Variants in GRIK4 observed in about 807,000 individuals in gnomAD.
The protein encoded by GRIK4 is glutamate ionotropic receptor kainate type subunit 4.
A neutral mutation model predicts 104.9 loss-of-function variants in GRIK4; 40 were observed. The observed-to-expected ratio is 0.38, with a 90% CI of 0.30 to 0.50. GRIK4 has a LOEUF of 0.50. GRIK4 is among the 20% of genes least tolerant of loss of function. GRIK4 has a pLI of 0.93. For synonymous variants in GRIK4, 485 were observed against 524.9 expected, an observed-to-expected ratio of 0.92 and a Z score of 1.04; for missense variants, 1,047 against 1,308.1, an observed-to-expected ratio of 0.80 and a Z score of 3.08.
chr11:120,850,182 CTT>C (rs1953942489), intron 8 of GRIK4, among the ~76,000 whole-genome samples: 1 of 152,140 alleles, frequency 6.6e-6, no homozygotes, highest in Non-Finnish European at 1.5e-5. Context: ...AGTGAAAACT[CTT>C]TGCTTTTAAA....
chr11:120,871,715 A>G (rs765915167), intron 9 of GRIK4: 6 of 456,262 alleles, frequency 1.3e-5, no homozygotes, highest in East Asian at 7.0e-5. Flanking sequence ...GTTGAGGTCT[A>G]TGGTACCTGC....
At chr11:120,693,187 C>G (rs546136571) in intron 3 of GRIK4, among the ~76,000 whole-genome samples, 2 of 151,868 alleles carry the variant, frequency 1.3e-5, no homozygotes, top group Non-Finnish European at 2.9e-5. Flanking sequence ...TTACTGCAAC[C>G]CCTGCCTTCC....
intron 3 of GRIK4, among the ~76,000 whole-genome samples, chr11:120,698,597 T>C (rs1483843019): frequency 6.6e-6 from 1 of 152,234 alleles, no homozygotes; most frequent in Non-Finnish European, 1.5e-5. Flanking sequence ...TGCCTCACCT[T>C]TGTTCTGTCC....
chr11:120,540,210 T>C (rs533706293), intron 1 of GRIK4, among the ~76,000 whole-genome samples: 18 of 152,180 alleles, frequency 1.2e-4, no homozygotes, highest in African/African-American at 4.1e-4. Flanking sequence ...TGGAGATGCT[T>C]TTAGGGTTTA....
intron 1 of GRIK4, among the ~76,000 whole-genome samples, chr11:120,636,301 G>A (rs113508479): frequency 0.012 from 1,803 of 152,254 alleles, 21 homozygotes; most frequent in Non-Finnish European, 0.019. Flanking sequence ...CCTACCCCAG[G>A]GGAGCATGAG....
chr11:120,841,005 T>C (rs954999608), intron 8 of GRIK4, among the ~76,000 whole-genome samples: 3 of 152,264 alleles, frequency 2.0e-5, no homozygotes, highest in Non-Finnish European at 4.4e-5. Flanking sequence ...CTTTTGTGTC[T>C]AGTTTATTTC....
chr11:120,808,567 T>C (rs1952763752), intron 4 of GRIK4, among the ~76,000 whole-genome samples: 1 of 152,164 alleles, frequency 6.6e-6, no homozygotes. Context: ...GGGCCCGTCA[T>C]GGGGCGTGGC....
chr11:120,831,741 ACCCCCCGACCCC>A, intron 6 of GRIK4, 99 bp from the exon 7 acceptor site: 14 of 734,840 alleles, frequency 1.9e-5, no homozygotes, highest in Admixed American at 4.5e-5. Flanking sequence ...GTGGGGCCAG[ACCCCCCGACCCC>A]ACTTCCAGCC....
chr11:120,882,863 A>G (rs11602018), intron 11 of GRIK4, among the ~76,000 whole-genome samples: 43,689 of 151,910 alleles, frequency 0.29, 9,038 homozygotes, highest in African/African-American at 0.57. Context: ...CTGCCCCAGC[A>G]ATACCAGATG....
In GRIK4 at chr11:120,533,802, A is replaced by G. The variant is rs147822129; in HGVS notation, c.-159+21915A>G. Among the ~76,000 whole-genome samples the G allele has an allele frequency of 4.9e-3, 745 of 152,340 alleles. 12 individuals carry two copies. The highest frequency in any genetic ancestry group is 0.017 in the African/African-American group (691 of 41,574). On this transcript the variant is annotated intron_variant, in intron 1 of 20. Coordinates refer to ENST00000527524, the MANE Select transcript of GRIK4 (RefSeq NM_014619.5). ...CTAAGGCAGAGAATTGCTTGAATCC[A>G]GGAGGCAGAGGTTGCAATGAGCCAA...
rs993005179 is a variant in GRIK4, at chr11:120,977,957, TGGAGCACTCAACCAGGGC to T, written c.2396-4130_2396-4113del. Among the ~76,000 whole-genome samples the T allele has an allele frequency of 2.2e-4, 34 of 152,364 alleles. 1 individual carries two copies. Among genetic ancestry groups the T allele is most frequent in the Admixed American group, 1.3e-3 (20 of 15,304 alleles). On this transcript the variant is annotated intron_variant, in intron 19 of 20. Transcript: ENST00000527524. Reference sequence around the variant, plus strand: ...GGGCCATCTTCCTCTGTGACCAGGCTGGAGCACTCAACCAGGGCGGAGCACTCAACCAGGGCTGTCATG... The same window carrying T: ...GGGCCATCTTCCTCTGTGACCAGGCTGGAGCACTCAACCAGGGCTGTCATG...
chr11:120,872,784 G>A, intron 9 of GRIK4: 1 of 186,578 alleles, frequency 5.4e-6, no homozygotes, highest in Non-Finnish European at 1.1e-5. Context: ...TTTTTGCCAG[G>A]GACCCCGCAT....
At chr11:120,689,103 G>A (rs937669173) in intron 3 of GRIK4, among the ~76,000 whole-genome samples, 2 of 152,182 alleles carry the variant, frequency 1.3e-5, no homozygotes, top group African/African-American at 4.8e-5. Context: ...CCCAGTCAGG[G>A]CTTGGGTAAG....
intron 1 of GRIK4, among the ~76,000 whole-genome samples, chr11:120,639,938 TC>T (rs1047152392): frequency 6.6e-6 from 1 of 152,190 alleles, no homozygotes; most frequent in Non-Finnish European, 1.5e-5. Context: ...CGGATCCTAT[TC>T]CCCCAGGGCA....
intron 1 of GRIK4, among the ~76,000 whole-genome samples, chr11:120,609,042 A>G (rs1948998705): frequency 6.6e-6 from 1 of 152,220 alleles, no homozygotes; most frequent in Non-Finnish European, 1.5e-5. Flanking sequence ...TGGATTGCAC[A>G]ATTGTGGGGT....
At chr11:120,860,203 G>T (rs1682296752) in intron 8 of GRIK4, among the ~76,000 whole-genome samples, 1 of 151,568 alleles carries the variant, frequency 6.6e-6, no homozygotes, top group Non-Finnish European at 1.5e-5. Flanking sequence ...AAGGCACTTG[G>T]AATGAACATG....
At chr11:120,742,175 G>A (rs1052797052) in intron 3 of GRIK4, among the ~76,000 whole-genome samples, 6 of 151,910 alleles carry the variant, frequency 3.9e-5, no homozygotes, top group Non-Finnish European at 8.8e-5. Context: ...GGGAAACCCC[G>A]TCTCTACTAA....
intron 1 of GRIK4, among the ~76,000 whole-genome samples, chr11:120,610,109 T>A (rs1232821166): frequency 2.6e-5 from 4 of 152,190 alleles, no homozygotes; most frequent in African/African-American, 9.7e-5. Context: ...TTCGCTTTGT[T>A]TTTATGGCGA....
intron 1 of GRIK4, chr11:120,515,040 T>C: frequency 2.2e-6 from 1 of 456,722 alleles, no homozygotes; most frequent in Non-Finnish European, 4.4e-6. Flanking sequence ...GGCAGTGCCT[T>C]CCAAGATGCC....
Sources: gnomAD v4.1 joint callset for allele counts (sites outside exome capture counted in the v4.1 genomes callset) on GRCh38, gnomAD v4.1.1 for gene constraint, MANE v1.5 for transcripts, NCBI Gene and HGNC (gene_info 2026-07-23, HGNC 2026-07-21) for gene names.